The following SMIM18 variants were observed in gnomAD, a reference collection of about 807,000 sequenced individuals.
SMIM18 encodes the protein small integral membrane protein 18.
In SMIM18, 4 loss-of-function variants were observed where a neutral mutation model predicts 5.9. The ratio of observed to expected loss-of-function variants is 0.68; its 90% CI spans 0.33 to 1.56. The LOEUF is 1.56. Among genes scored for constraint, SMIM18 ranks in the 40% most tolerant of loss-of-function variants. The pLI is 0.06. For synonymous variants in SMIM18, 37 were observed against 37.4 expected (o/e 0.99, Z 0.04); for missense variants, 89 against 109.7 (o/e 0.81, Z 0.84).
At position 30,645,309 on chromosome 8, in the gene SMIM18, A is replaced by AT. The variant is rs1204530337; in HGVS notation, c.-1_1insT. 6.5e-7 allele frequency: 1 copy of AT among 1,533,802 alleles called. No homozygotes were observed. Among genetic ancestry groups the AT allele is most frequent in the African/African-American group, 1.4e-5 (1 of 72,944 alleles). ...CAAAAGAGCAAGTGGAATCTCTAAG[A>AT]ATGGCTTCCAGCCACTGGAATGAAA... On this transcript the variant is annotated 5_prime_UTR_variant, in exon 3 of 3. Transcript: ENST00000517349.
intron 1 of SMIM18, among the ~76,000 whole-genome samples, chr8:30,640,285 T>C (rs1296931315): frequency 3.3e-5 from 5 of 152,184 alleles, no homozygotes; most frequent in African/African-American, 9.6e-5. Context: ...TTACCATAAA[T>C]ACAGCAAAAG....
intron 1 of SMIM18, among the ~76,000 whole-genome samples, chr8:30,641,477 C>G (rs1801828119): frequency 6.6e-6 from 1 of 152,214 alleles, no homozygotes; most frequent in African/African-American, 2.4e-5. Context: ...ATCCCCCCAC[C>G]TGAGCCTCCC....
At chr8:30,644,621 T>C (rs1289385356) in intron 2 of SMIM18, 49 bp downstream of exon 2, 4 of 152,172 alleles carry the variant, frequency 2.6e-5, no homozygotes, top group Non-Finnish European at 5.9e-5. Context: ...CAGGGGCAGT[T>C]TGAAGAACAT....
At position 30,645,304 on chromosome 8, in the gene SMIM18, C is replaced by CT. The variant is rs1563508528; in HGVS notation, c.-5dup. On this transcript the variant is annotated 5_prime_UTR_variant, in exon 3 of 3. Coordinates refer to ENST00000517349, the MANE Select transcript of SMIM18 (RefSeq NM_001206847.2). The stretch of plus-strand genomic sequence containing the variant: ...AGATTCAAAAGAGCAAGTGGAATCT[C>CT]TAAGAATGGCTTCCAGCCACTGGAA... The CT allele has an allele frequency of 1.9e-5, 29 of 1,533,546 alleles. No individual in the cohort carries two copies. The East Asian group carries it at 5.6e-4, about 30-fold the overall frequency. The allele number at this position is 1,533,546 out of a possible 1,614,324, so 95.0% of individuals were successfully genotyped here. A position where few individuals can be genotyped will look rare whatever the true frequency, so the allele number is the denominator to read the frequency against.
chr8:30,645,167 A>T, intron 2 of SMIM18, 114 bp from the exon 3 acceptor site: 1 of 919,028 alleles, frequency 1.1e-6, no homozygotes, highest in Non-Finnish European at 1.6e-6. Context: ...TTTAGGCATT[A>T]ATTAAGGAAG....
chr8:30,639,443 G>T (rs1407820765), intron 1 of SMIM18, among the ~76,000 whole-genome samples: 1 of 151,978 alleles, frequency 6.6e-6, no homozygotes, highest in Non-Finnish European at 1.5e-5. Context: ...TTCTTAAACT[G>T]ATCCTCAAAA....
intron 1 of SMIM18, among the ~76,000 whole-genome samples, chr8:30,639,157 C>T (rs772942624): frequency 6.6e-6 from 1 of 151,950 alleles, no homozygotes; most frequent in Admixed American, 6.6e-5. Context: ...TTTTATTTTG[C>T]TTTGAATGTA....
chr8:30,643,738 G>A (rs547430441), intron 1 of SMIM18: 3 of 148,746 alleles, frequency 2.0e-5, no homozygotes, highest in East Asian at 3.9e-4. Flanking sequence ...TTTTACTAAA[G>A]ATTTCTTCAG....
chr8:30,644,388 C>A (rs1047011770), intron 1 of SMIM18, 104 bp from the exon 2 acceptor site: 8 of 152,110 alleles, frequency 5.3e-5, no homozygotes, highest in African/African-American at 1.9e-4. Flanking sequence ...TTTATAACCC[C>A]AAGATTAGGG....
intron 2 of SMIM18, among the ~76,000 whole-genome samples, chr8:30,644,993 G>C (rs1390506325): frequency 2.0e-5 from 3 of 151,840 alleles, no homozygotes; most frequent in Non-Finnish European, 4.4e-5. Flanking sequence ...CAAGTGATCT[G>C]CCCACATCAC....
intron 1 of SMIM18, among the ~76,000 whole-genome samples, chr8:30,639,005 TAAAGA>T (rs1801710837): frequency 6.6e-6 from 1 of 152,208 alleles, no homozygotes; most frequent in Non-Finnish European, 1.5e-5. Context: ...GGATTTTTCT[TAAAGA>T]AAAACCCAGA....
At chr8:30,644,359 G>C (rs112021608) in intron 1 of SMIM18, 133 bp from the exon 2 acceptor site, 1 of 152,048 alleles carries the variant, frequency 6.6e-6, no homozygotes, top group Non-Finnish European at 1.5e-5. Flanking sequence ...TCAGGTATAC[G>C]AAACACTTAA....
At position 30,645,354 on chromosome 8, in the gene SMIM18, G is replaced by A; in HGVS notation, c.45G>A (p.Gln15=). 1.3e-6 allele frequency: 2 copies of A among 1,535,694 alleles called. No individual in the cohort carries two copies. Among genetic ancestry groups the A allele is most frequent in the South Asian group, 1.2e-5 (1 of 84,066 alleles). ...ATGAAACCACTACCTCTGTTTATCA[G>A]TACCTTGGTTTTCAAGTTCAAAAAA... ...HWNETTTSVY[Q]YLGFQVQKIY... is the part of the protein sequence containing the mutation. The change falls in exon 3 of 3, where the codon CAG becomes CAA. Residue 15 remains glutamine, a synonymous_variant. Coordinates refer to ENST00000517349, the MANE Select transcript of SMIM18 (RefSeq NM_001206847.2).
chr8:30,645,444 A>C lies in SMIM18; in HGVS notation c.135A>C (p.Thr45=), dbSNP rs1395442634. The C allele has an allele frequency of 6.5e-7, 1 of 1,535,656 alleles. No homozygotes were observed. The highest frequency in any genetic ancestry group is 8.7e-7 in the Non-Finnish European group (1 of 1,146,894). ...TCATCCTGCTTTTATTTATATTTAC[A>C]GTGGTATCTTTAGTGGTGCTGGCTT... The part of the protein sequence containing the change: ...CFVILLLFIF[T]VVSLVVLAFL... Residue 45 remains threonine, a synonymous_variant, in exon 3 of 3, where the codon ACA becomes ACC. Coordinates refer to ENST00000517349, the MANE Select transcript of SMIM18 (RefSeq NM_001206847.2).
At chr8:30,641,439 T>G (rs567440704) in intron 1 of SMIM18, among the ~76,000 whole-genome samples, 5 of 152,282 alleles carry the variant, frequency 3.3e-5, no homozygotes, top group Admixed American at 1.3e-4. Context: ...CACAGCTCAC[T>G]GCAACCTCAA....
intron 1 of SMIM18, among the ~76,000 whole-genome samples, chr8:30,642,422 A>G (rs1801878779): frequency 6.6e-6 from 1 of 152,184 alleles, no homozygotes; most frequent in Non-Finnish European, 1.5e-5. Flanking sequence ...TAAGAGAGCC[A>G]AGAATAAGGA....
At chr8:30,642,891 T>C (rs370326357) in intron 1 of SMIM18, among the ~76,000 whole-genome samples, 1 of 152,226 alleles carries the variant, frequency 6.6e-6, no homozygotes, top group Non-Finnish European at 1.5e-5. Flanking sequence ...CTATTTATTT[T>C]TGAGGTAAGG....
At position 30,645,453 on chromosome 8, in the gene SMIM18, T is replaced by C. The variant is rs757242613; in HGVS notation, c.144T>C (p.Ser48=). 1.2e-5 allele frequency: 18 copies of C among 1,535,694 alleles called. No homozygotes were observed. The South Asian group carries it at 2.1e-4, about 18-fold the overall frequency. Residue 48 remains serine (S), a synonymous_variant, in exon 3 of 3, where the codon TCT becomes TCC. Transcript: ENST00000517349. ...ILLLFIFTVV[S]LVVLAFLYEV... ...TTTTATTTATATTTACAGTGGTATC[T>C]TTAGTGGTGCTGGCTTTCCTTTATG...
Position 30,645,695 on chromosome 8 carries a change from T to C in SMIM18, c.*98T>C, listed in dbSNP as rs1802049701. 1 of 1,212,162 alleles carries C rather than the reference T, an allele frequency of 8.2e-7. No homozygotes were observed. Among genetic ancestry groups the C allele is most frequent in the African/African-American group, 1.5e-5 (1 of 65,322 alleles). The allele number at this position is 1,212,162 out of a possible 1,614,324, so 75.1% of individuals were successfully genotyped here. A position where few individuals can be genotyped will look rare whatever the true frequency, so the allele number is the denominator to read the frequency against. On this transcript the variant is annotated 3_prime_UTR_variant, in exon 3 of 3. Coordinates refer to ENST00000517349, the MANE Select transcript of SMIM18 (RefSeq NM_001206847.2). ...CCAACTGTTGCTACAAAACAAATTC[T>C]GACTGAATGGTTAAAACATTTCTAG...
Sources: gnomAD v4.1 joint callset for allele counts (sites outside exome capture counted in the v4.1 genomes callset) on GRCh38, gnomAD v4.1.1 for gene constraint, MANE v1.5 for transcripts, NCBI Gene and HGNC (gene_info 2026-07-23, HGNC 2026-07-21) for gene names.